The following RDX variants were observed in gnomAD, a reference collection of about 807,000 sequenced individuals.
RDX encodes the protein radixin.
Under a neutral mutation model 83.7 loss-of-function variants are expected in RDX, and 32 were observed. The observed-to-expected ratio is 0.38, with a 90% CI of 0.29 to 0.51. The LOEUF is 0.51. Among genes scored for constraint, RDX ranks in the 20% least tolerant of loss-of-function variants. The pLI is 0.87. For missense variants in RDX, 600 were observed against 689.9 expected, an observed-to-expected ratio of 0.87 and a Z score of 1.46; for synonymous variants, 229 against 222.7, an observed-to-expected ratio of 1.03 and a Z score of -0.25.
chr11:110,201,903 T>TTGTGTGCGTGTG (rs1555029997), intron 14 of RDX, among the ~76,000 whole-genome samples: 2 of 137,220 alleles, frequency 1.5e-5, no homozygotes, highest in Non-Finnish European at 3.1e-5. Context: ...CCGGCTAATT[T>TTGTGTGCGTGTG]TGTGTGTGTG....
At position 110,218,765 on chromosome 11, in the gene RDX, TTAAGAG is replaced by T. The variant is rs1362864558; in HGVS notation, c.1748+13102_1748+13107del. Among the ~76,000 whole-genome samples the T allele has an allele frequency of 1.8e-4, 28 of 152,236 alleles. 1 individual carries two copies. The highest frequency in any genetic ancestry group is 1.8e-3 in the Admixed American group (28 of 15,280). On this transcript the variant is annotated intron_variant, in intron 14 of 15. Coordinates refer to the RDX transcript ENST00000528498. The stretch of plus-strand genomic sequence containing the variant: ...AACTTTCCTATCTTTGCCTCCTCGA[TTAAGAG>T]TAACTCATCCTGAAAGACTTGGCTT...
chr11:110,263,041 G>A (rs1409700923), intron 5 of RDX, among the ~76,000 whole-genome samples: 2 of 152,268 alleles, frequency 1.3e-5, no homozygotes, highest in African/African-American at 4.8e-5. Context: ...TTGGGAGACC[G>A]AGGTGGGAGG....
chr11:110,197,067 T>G (rs946884793), intron 15 of RDX, among the ~76,000 whole-genome samples: 5 of 152,094 alleles, frequency 3.3e-5, no homozygotes, highest in Admixed American at 3.3e-4. Flanking sequence ...CTCAGATAAC[T>G]TTTTGTATTT....
At chr11:110,247,679 C>A (rs750165809) in intron 10 of RDX, 24 bp downstream of exon 10, 1 of 1,606,702 alleles carries the variant, frequency 6.2e-7, no homozygotes. Flanking sequence ...ATTTTTAATC[C>A]ATTTTCAAAA....
chr11:110,292,464 T>A (rs1306552900), intron 1 of RDX, among the ~76,000 whole-genome samples: 1 of 151,994 alleles, frequency 6.6e-6, no homozygotes, highest in African/African-American at 2.4e-5. Flanking sequence ...AGGAAGACTC[T>A]GTTTTCAAAA....
chr11:110,242,443 T>A lies in RDX; in HGVS notation c.1091-4791A>T, dbSNP rs575210916. ...GAGCAAGACTTTGTCTCAAAAAATT[T>A]AAAAAAAAAAAAATTAAAAAAAAAA... On this transcript the variant is annotated intron_variant, in intron 10 of 13. Coordinates refer to ENST00000645495, the MANE Select transcript of RDX (RefSeq NM_002906.4). 8.1e-3 allele frequency among the ~76,000 whole-genome samples: 934 copies of A among 115,090 alleles called. 8 individuals are homozygous for A. Among genetic ancestry groups the A allele is most frequent in the Non-Finnish European group, 0.01 (559 of 53,328 alleles). 75.5% of individuals were successfully genotyped at this position (115,090 alleles called of 152,430 possible).
intron 15 of RDX, among the ~76,000 whole-genome samples, chr11:110,196,989 C>A (rs1296448992): frequency 6.6e-6 from 1 of 152,164 alleles, no homozygotes; most frequent in East Asian, 1.9e-4. Flanking sequence ...GCCTCGACCT[C>A]CTGGGCTTAA....
Position 110,255,304 on chromosome 11 carries a change from G to A in RDX, c.780C>T (p.Ile260=), listed in dbSNP as rs755824075. The stretch of plus-strand genomic sequence containing the variant: ...AATTACTTACAGGTGCCTTTTTGTC[G>A]ATTGGCTTTATAACAAATTTTTTGT... ...FNDKKFVIKP[I]DKKAPDFVFY... The change falls in exon 8 of 14, where the codon ATC becomes ATT. Residue 260 remains isoleucine, a synonymous_variant. Transcript: ENST00000645495. The A allele has an allele frequency of 1.5e-5, 24 of 1,573,670 alleles. No homozygotes were observed. The highest frequency in any genetic ancestry group is 2.7e-5 in the African/African-American group (2 of 74,014).
intron 4 of RDX, among the ~76,000 whole-genome samples, chr11:110,264,560 C>G (rs1859941202): frequency 6.7e-6 from 1 of 149,976 alleles, no homozygotes. Context: ...TTGTTATAGG[C>G]TAAGTTTTCA....
chr11:110,222,704 G>A (rs533780049), intron 14 of RDX, among the ~76,000 whole-genome samples: 16 of 152,194 alleles, frequency 1.1e-4, no homozygotes, highest in Admixed American at 6.5e-5. Flanking sequence ...GCTGAGGCAT[G>A]AGAATGGCGT....
intron 15 of RDX, among the ~76,000 whole-genome samples, chr11:110,182,457 C>T (rs1039316876): frequency 5.9e-5 from 9 of 152,072 alleles, no homozygotes; most frequent in East Asian, 3.8e-4. Flanking sequence ...AAAAACCAGC[C>T]GGGTGTGGTG....
intron 15 of RDX, among the ~76,000 whole-genome samples, chr11:110,178,022 C>T (rs920747288): frequency 6.6e-6 from 1 of 152,148 alleles, no homozygotes; most frequent in African/African-American, 2.4e-5. Context: ...AGTGACATCC[C>T]AGGTCCACCA....
intron 1 of RDX, among the ~76,000 whole-genome samples, chr11:110,283,311 G>C (rs1445448174): frequency 6.6e-6 from 1 of 151,998 alleles, no homozygotes; most frequent in African/African-American, 2.4e-5. Flanking sequence ...CTGCCACCAT[G>C]TCTGACTAAT....
At chr11:110,201,105 G>A (rs1231399988) in intron 14 of RDX, among the ~76,000 whole-genome samples, 2 of 148,148 alleles carry the variant, frequency 1.3e-5, no homozygotes, top group African/African-American at 5.0e-5. Context: ...GAACCTGGGA[G>A]TTGGAGGTTA....
intron 3 of RDX, among the ~76,000 whole-genome samples, chr11:110,268,821 T>C (rs1445826953): frequency 6.6e-6 from 1 of 151,944 alleles, no homozygotes; most frequent in African/African-American, 2.4e-5. Flanking sequence ...TAAGCTCCCA[T>C]AAACTTCTGA....
Position 110,251,040 on chromosome 11 carries a change from T to C in RDX, c.959+2906A>G, listed in dbSNP as rs45456293. 6.8e-3 allele frequency among the ~76,000 whole-genome samples: 1,039 copies of C among 152,334 alleles called. 7 individuals carry two copies. Among genetic ancestry groups the C allele is most frequent in the Non-Finnish European group, 0.012 (795 of 68,022 alleles). On this transcript the variant is annotated intron_variant, in intron 9 of 13. Transcript: ENST00000645495. ...ATATTTTTATCTCTACATATTCATC[T>C]ATGTTGGCTTCTTCTTCTGAACGTA...
At chr11:110,256,326 A>T (rs1035682558) in intron 7 of RDX, among the ~76,000 whole-genome samples, 13 of 152,170 alleles carry the variant, frequency 8.5e-5, no homozygotes, top group African/African-American at 2.9e-4. Context: ...TCTTTACTCA[A>T]TAAGCATATT....
chr11:110,264,824 A>G lies in RDX; in HGVS notation c.147T>C (p.Tyr49=). ...ATGTAGAATAACCTTTGCTGTCTAC[A>G]TACTGCAGCCCAAAAAACCAGACCT... ...LREVWFFGLQ[Y]VDSKGYSTWL... is the part of the protein sequence containing the mutation. Residue 49 remains tyrosine, a synonymous_variant, in exon 4 of 14, where the codon TAT becomes TAC. Transcript: ENST00000645495. The G allele has an allele frequency of 1.2e-6, 2 of 1,613,998 alleles. No homozygotes were observed. Among genetic ancestry groups the G allele is most frequent in the South Asian group, 1.1e-5 (1 of 91,078 alleles).
chr11:110,181,875 T>C (rs1265937665), intron 15 of RDX: 1 of 152,196 alleles, frequency 6.6e-6, no homozygotes, highest in African/African-American at 2.4e-5. Flanking sequence ...TCCGAGACAT[T>C]GTTACCACCT....
Sources: gnomAD v4.1 joint callset for allele counts (sites outside exome capture counted in the v4.1 genomes callset) on GRCh38, gnomAD v4.1.1 for gene constraint, MANE v1.5 for transcripts, NCBI Gene and HGNC (gene_info 2026-07-23, HGNC 2026-07-21) for gene names.